Variants in TET1 observed in about 807,000 individuals in gnomAD.
TET1 encodes the protein methylcytosine dioxygenase TET1.
Under a neutral mutation model 148.7 loss-of-function variants are expected in TET1, and 13 were observed. The observed-to-expected ratio is 0.09, with a 90% CI of 0.06 to 0.14. TET1 has a LOEUF of 0.14. TET1 is among the 10% of genes least tolerant of loss of function. The pLI, the probability that TET1 is intolerant of heterozygous loss-of-function variation, is 1.00. For missense variants in TET1, 2,182 were observed against 2,553.8 expected (o/e 0.85, Z 3.14); for synonymous variants, 907 against 937.2 (o/e 0.97, Z 0.59).
Position 68,646,520 on chromosome 10 carries a change from G to C in TET1, c.3791G>C (p.Ser1264Thr). The change falls in exon 4 of 12, where the codon AGC becomes ACC. Residue 1264 changes from serine to threonine, a missense_variant. Around this residue, in one of 11 missense-constraint regions of TET1, gnomAD observed 582 missense variants for 599.5 expected, o/e 0.97. Transcript: ENST00000373644. ...KVKVEPLDSL[S>T]LFHLKTESNG... ...AAGGTTGAACCATTGGATTCACTCA[G>C]CTTATTTCATCTTAAAACGGAATCC... 3 of 1,614,134 alleles carry C rather than the reference G, an allele frequency of 1.9e-6. No individual in the cohort carries two copies. Among genetic ancestry groups the C allele is most frequent in the Non-Finnish European group, 2.5e-6 (3 of 1,180,012 alleles).
intron 3 of TET1, among the ~76,000 whole-genome samples, chr10:68,617,006 C>CTTTT (rs71019039): frequency 1.0e-4 from 4 of 39,614 alleles, no homozygotes; most frequent in Middle Eastern, 0.024. Flanking sequence ...CGCGCCTGGC[C>CTTTT]TTTTTTTTTT....
intron 3 of TET1, among the ~76,000 whole-genome samples, chr10:68,639,352 A>G (rs7095472): frequency 0.45 from 68,706 of 151,520 alleles, 16,333 homozygotes; most frequent in East Asian, 0.53. Flanking sequence ...AAGCTGGGAG[A>G]CGGAGGTTGC....
chr10:68,570,106 T>C (rs1026220637), intron 1 of TET1, among the ~76,000 whole-genome samples: 3 of 151,962 alleles, frequency 2.0e-5, no homozygotes, highest in Non-Finnish European at 4.4e-5. Flanking sequence ...GTTTTTCTTT[T>C]TTTTTTCTTT....
At chr10:68,606,590 A>T (rs2132897549) in intron 3 of TET1, among the ~76,000 whole-genome samples, 1 of 147,232 alleles carries the variant, frequency 6.8e-6, no homozygotes, top group Middle Eastern at 3.5e-3. Context: ...ACCATCCTTC[A>T]GGGGAAAAAC....
intron 10 of TET1, among the ~76,000 whole-genome samples, chr10:68,685,861 T>A (rs1405156591): frequency 6.6e-6 from 1 of 152,012 alleles, no homozygotes; most frequent in Admixed American, 6.6e-5. Context: ...AAAAAAAAAT[T>A]TTTTTTAACT....
chr10:68,574,057 T>C lies in TET1; in HGVS notation c.1719T>C (p.Ser573=), dbSNP rs771829192. 3.1e-6 allele frequency: 5 copies of C among 1,614,192 alleles called. No homozygotes were observed. In the South Asian group the frequency reaches 5.5e-5, roughly 18 times the overall value. ...TMPVPMVSTS[S]SSYTTLLPTL... ...CAGTGCCAATGGTCAGTACCTCCTCTTCTTCCTATACCACTTTGCTACCGA... is the reference window on the plus strand; with the variant it reads ...CAGTGCCAATGGTCAGTACCTCCTCCTCTTCCTATACCACTTTGCTACCGA... The change falls in exon 2 of 12, where the codon TCT becomes TCC. Residue 573 remains serine, a synonymous_variant. Transcript: ENST00000373644.
At chr10:68,602,355 T>C (rs1242201752) in intron 3 of TET1, among the ~76,000 whole-genome samples, 6 of 152,228 alleles carry the variant, frequency 3.9e-5, no homozygotes, top group African/African-American at 1.4e-4. Flanking sequence ...TAAAAGCTCC[T>C]TCTATACTTT....
Position 68,692,886 on chromosome 10 carries a change from T to C in TET1, c.*1072T>C, listed in dbSNP as rs2055611592. 1 of 231,416 alleles carries C rather than the reference T, an allele frequency of 4.3e-6. No homozygotes were observed. Among genetic ancestry groups the C allele is most frequent in the Non-Finnish European group, 8.5e-6 (1 of 117,294 alleles). The allele number at this position is 231,416 out of a possible 1,614,324, so 14.3% of individuals were successfully genotyped here. On this transcript the variant is annotated 3_prime_UTR_variant, in exon 12 of 12. Transcript: ENST00000373644. ...AAATGCTTCTAATGTCTCAAGGTGA[T>C]AAAATACAAAAACTAAGTAGACAGA...
rs754497185 is a variant in TET1 at position 68,573,622 on chromosome 10, C to T, written c.1284C>T (p.Asp428=). ...TLGMSGSVVP[D]LPVFLPVPPN... is the part of the protein sequence containing the mutation. ...GTATGAGTGGGAGTGTTGTCCCAGA[C>T]TTGCCTGTCTTCCTTCCTGTTCCTC... is the stretch of plus-strand genomic sequence containing the variant. The change falls in exon 2 of 12, where the codon GAC becomes GAT. Residue 428 remains aspartate, a synonymous_variant. Coordinates refer to ENST00000373644, the MANE Select transcript of TET1 (RefSeq NM_030625.3). 142 of 1,614,084 alleles carry T rather than the reference C, an allele frequency of 8.8e-5. No individual in the cohort carries two copies. The highest frequency in any genetic ancestry group is 1.1e-4 in the Non-Finnish European group (129 of 1,180,050).
intron 3 of TET1, among the ~76,000 whole-genome samples, chr10:68,643,197 A>G (rs2133076506): frequency 6.9e-6 from 1 of 145,632 alleles, no homozygotes; most frequent in African/African-American, 2.5e-5. Context: ...GGGAGGTTGA[A>G]GCCACGGTGA....
chr10:68,678,698 T>C (rs892230279), intron 8 of TET1, among the ~76,000 whole-genome samples: 1 of 151,136 alleles, frequency 6.6e-6, no homozygotes, highest in Non-Finnish European at 1.5e-5. Flanking sequence ...TGCAGTGAGC[T>C]GAGATCGCAC....
Position 68,573,447 on chromosome 10 carries a change from G to A in TET1, c.1109G>A (p.Gly370Asp). 1 of 1,614,122 alleles carries A rather than the reference G, an allele frequency of 6.2e-7. No homozygotes were observed. Among genetic ancestry groups the A allele is most frequent in the Non-Finnish European group, 8.5e-7 (1 of 1,180,020 alleles). Reference sequence around the variant, plus strand: ...ACCTCTTTCCTAGGACAGGCCTTTGGTGCTATCCCACATCAATGGGAACTT... The same window carrying A: ...ACCTCTTTCCTAGGACAGGCCTTTGATGCTATCCCACATCAATGGGAACTT... The part of the protein sequence containing the change: ...DTTSFLGQAF[G>D]AIPHQWELPG... Residue 370 changes from glycine to aspartate, a missense_variant, in exon 2 of 12, where the codon GGT (glycine) becomes GAT (aspartate). By Grantham distance (94) the Gly-to-Asp change is moderately conservative. Around this residue, in one of 11 missense-constraint regions of TET1, gnomAD observed 665 missense variants for 672.4 expected, o/e 0.99. Transcript: ENST00000373644.
At position 68,610,277 on chromosome 10, in the gene TET1, T is replaced by C. The variant is rs537512524; in HGVS notation, c.1968+9243T>C. 1.5e-3 allele frequency among the ~76,000 whole-genome samples: 224 copies of C among 146,748 alleles called. 1 individual carries two copies. The highest frequency in any genetic ancestry group is 5.4e-3 in the African/African-American group (214 of 39,492). ...CAGCCTGGGTGACAGTGCGAGACTC[T>C]GTCTCAAAAAACAAACAAACAAAAA... On this transcript the variant is annotated intron_variant, in intron 3 of 11. Coordinates refer to ENST00000373644, the MANE Select transcript of TET1 (RefSeq NM_030625.3).
intron 2 of TET1, among the ~76,000 whole-genome samples, chr10:68,596,100 G>A (rs1460713048): frequency 5.6e-5 from 8 of 143,960 alleles, no homozygotes; most frequent in African/African-American, 2.1e-4. Flanking sequence ...GTGCAGTGGC[G>A]CAATCTCAGC....
intron 3 of TET1, among the ~76,000 whole-genome samples, chr10:68,628,304 A>G (rs997658986): frequency 2.0e-5 from 3 of 152,222 alleles, no homozygotes; most frequent in African/African-American, 7.2e-5. Context: ...AGGCCACTAA[A>G]TCTGTTTTCT....
chr10:68,616,299 G>A (rs1043875025), intron 3 of TET1, among the ~76,000 whole-genome samples: 2 of 150,256 alleles, frequency 1.3e-5, no homozygotes, highest in Non-Finnish European at 3.0e-5. Flanking sequence ...TTTTCCAAGC[G>A]TACAGGTCAG....
chr10:68,612,172 C>G (rs1259232584), intron 3 of TET1, among the ~76,000 whole-genome samples: 1 of 151,766 alleles, frequency 6.6e-6, no homozygotes, highest in Non-Finnish European at 1.5e-5. Context: ...TCACTGCAAC[C>G]TCCGCCTCCT....
At chr10:68,627,134 G>A (rs571601560) in intron 3 of TET1, among the ~76,000 whole-genome samples, 4 of 152,182 alleles carry the variant, frequency 2.6e-5, no homozygotes, top group East Asian at 3.9e-4. Flanking sequence ...TAGGCTGGGC[G>A]CAGTGGCTCA....
At chr10:68,677,725 C>T (rs1029338231) in intron 8 of TET1, among the ~76,000 whole-genome samples, 20 of 151,864 alleles carry the variant, frequency 1.3e-4, no homozygotes, top group African/African-American at 4.8e-4. Context: ...CGGCTCACTG[C>T]AACTCCTGCC....
Sources: gnomAD v4.1 joint callset for allele counts (sites outside exome capture counted in the v4.1 genomes callset) on GRCh38, gnomAD v4.1.1 for gene constraint, gnomAD v4.1.1 regional missense constraint, MANE v1.5 for transcripts, NCBI Gene and HGNC (gene_info 2026-07-23, HGNC 2026-07-21) for gene names.